Variants in OTUD4 observed in about 807,000 individuals in gnomAD.
OTUD4 encodes the protein OTU domain-containing protein 4.
OTUD4 carries 24 observed loss-of-function variants against 130.4 expected under a neutral mutation model. That is an observed-to-expected ratio of 0.18 (90% CI 0.13 to 0.26). The LOEUF is 0.26. Among genes scored for constraint, OTUD4 ranks in the 10% least tolerant of loss-of-function variants. OTUD4 has a pLI of 1.00. For synonymous variants in OTUD4, 420 were observed against 472.5 expected, an observed-to-expected ratio of 0.89 and a Z score of 1.44; for missense variants, 1,031 against 1,329.4, an observed-to-expected ratio of 0.78 and a Z score of 3.49.
At chr4:145,165,661 G>A (rs1751823132) in intron 3 of OTUD4, among the ~76,000 whole-genome samples, 1 of 151,968 alleles carries the variant, frequency 6.6e-6, no homozygotes, top group African/African-American at 2.4e-5. Flanking sequence ...ATTTTTAGTA[G>A]AGACGGGGTT....
chr4:145,174,469 A>C (rs1752327737), intron 2 of OTUD4, among the ~76,000 whole-genome samples, 192 bp downstream of exon 2: 1 of 152,170 alleles, frequency 6.6e-6, no homozygotes, highest in Non-Finnish European at 1.5e-5. Flanking sequence ...ATAAATGCAA[A>C]ACATAAAATA....
intron 4 of OTUD4, among the ~76,000 whole-genome samples, chr4:145,164,429 T>C (rs892477351): frequency 6.6e-6 from 1 of 152,042 alleles, no homozygotes; most frequent in South Asian, 2.1e-4. Flanking sequence ...CAAATATTAT[T>C]TGTATATATA....
chr4:145,154,293 C>A (rs1386476411), intron 10 of OTUD4, among the ~76,000 whole-genome samples: 1 of 152,162 alleles, frequency 6.6e-6, no homozygotes, highest in African/African-American at 2.4e-5. Flanking sequence ...AAGGCAGTAC[C>A]TGAATGAATC....
At chr4:145,146,200 T>C (rs934809939) in intron 14 of OTUD4, 67 bp downstream of exon 14, 1 of 1,055,254 alleles carries the variant, frequency 9.5e-7, no homozygotes. Flanking sequence ...GAACTATGGC[T>C]TAATCTAAAA....
At position 145,138,256 on chromosome 4, in the gene OTUD4, G is replaced by A. The variant is rs1476440323; in HGVS notation, c.2519C>T (p.Pro840Leu). ...SLSGKNMFPQ[P>L]SFGPNPFLGP... The stretch of plus-strand genomic sequence containing the variant: ...TAAGAATGGATTGGGTCCAAAAGAT[G>A]GCTGGGGGAACATATTCTTGCCACT... The change falls in exon 21 of 21, where the codon CCA becomes CTA. Residue 840 changes from proline (P) to leucine (L), a missense_variant. Transcript: ENST00000447906. 1 of 1,613,988 alleles carries A rather than the reference G, an allele frequency of 6.2e-7. No individual in the cohort carries two copies. The highest frequency in any genetic ancestry group is 2.2e-5 in the East Asian group (1 of 44,882).
intron 1 of OTUD4, among the ~76,000 whole-genome samples, chr4:145,177,103 C>CTTCT (rs1752464251): frequency 1.3e-5 from 2 of 152,180 alleles, no homozygotes; most frequent in Admixed American, 1.3e-4. Context: ...TTTAGCAACA[C>CTTCT]TTCTTTCACA....
chr4:145,160,572 G>T (rs919768894), intron 6 of OTUD4, among the ~76,000 whole-genome samples: 2 of 152,128 alleles, frequency 1.3e-5, no homozygotes, highest in Non-Finnish European at 2.9e-5. Context: ...CAACACTTTG[G>T]GAGACCAAGG....
chr4:145,139,023 A>AT (rs1750430317), intron 20 of OTUD4, among the ~76,000 whole-genome samples: 1 of 152,190 alleles, frequency 6.6e-6, no homozygotes, highest in African/African-American at 2.4e-5. Context: ...GAATGTCAGT[A>AT]TAAGAGTAGA....
chr4:145,164,351 A>G, intron 4 of OTUD4, 125 bp from the exon 5 acceptor site: 1 of 449,402 alleles, frequency 2.2e-6, no homozygotes. Flanking sequence ...GAGATACAAA[A>G]GACAATAATG....
chr4:145,148,040 T>C (rs1750902054), intron 13 of OTUD4, among the ~76,000 whole-genome samples: 1 of 152,202 alleles, frequency 6.6e-6, no homozygotes, highest in Non-Finnish European at 1.5e-5. Context: ...CTAATGTAAT[T>C]AGTCACAATG....
intron 4 of OTUD4, 144 bp from the exon 5 acceptor site, chr4:145,164,370 A>G (rs1751742160): frequency 5.0e-6 from 2 of 399,408 alleles, no homozygotes; most frequent in Non-Finnish European, 9.2e-6. Context: ...TGAGATAACT[A>G]AGTTGTAAAA....
chr4:145,167,577 C>G (rs1222415015), intron 3 of OTUD4, among the ~76,000 whole-genome samples: 1 of 152,144 alleles, frequency 6.6e-6, no homozygotes, highest in Non-Finnish European at 1.5e-5. Flanking sequence ...AAAAATTCTG[C>G]CAGGCACGGT....
chr4:145,146,185 C>T (rs1314865830), intron 14 of OTUD4, 82 bp downstream of exon 14: 2 of 857,460 alleles, frequency 2.3e-6, no homozygotes, highest in Admixed American at 3.0e-5. Flanking sequence ...TTAGTTTACC[C>T]TTGGGAACTA....
chr4:145,156,164 A>T (rs1041335397), intron 7 of OTUD4, among the ~76,000 whole-genome samples, 168 bp from the exon 8 acceptor site: 1 of 152,248 alleles, frequency 6.6e-6, no homozygotes, highest in Non-Finnish European at 1.5e-5. Flanking sequence ...AAAAGGGTAT[A>T]TGTATGTAAA....
At position 145,155,688 on chromosome 4, in the gene OTUD4, T is replaced by C. The variant is rs1220211764; in HGVS notation, c.691-2A>G. ...AGAGTTCCCATTGTTCTTCAGCTGCTAAACAAAGTCAGGAAGTCCAATCAA... is the reference window on the plus strand; with the variant it reads ...AGAGTTCCCATTGTTCTTCAGCTGCCAAACAAAGTCAGGAAGTCCAATCAA... On this transcript the variant is annotated splice_acceptor_variant, in intron 8 of 20. Coordinates refer to ENST00000447906, the MANE Select transcript of OTUD4 (RefSeq NM_001366057.1). LOFTEE classifies it high-confidence loss of function. The C allele has an allele frequency of 5.1e-6, 8 of 1,577,492 alleles. No individual in the cohort carries two copies. The highest frequency in any genetic ancestry group is 1.8e-5 in the Admixed American group (1 of 55,158).
At chr4:145,149,785 G>A (rs962159328) in intron 13 of OTUD4, 1 of 152,206 alleles carries the variant, frequency 6.6e-6, no homozygotes, top group African/African-American at 2.4e-5. Context: ...CAATTGAGAA[G>A]GTGCTTTGAT....
chr4:145,142,925 T>A (rs930455671), intron 17 of OTUD4, among the ~76,000 whole-genome samples: 150 of 152,350 alleles, frequency 9.8e-4, no homozygotes, highest in African/African-American at 3.3e-3. Context: ...GGTATTTTTT[T>A]AATGTATATT....
At chr4:145,152,513 A>T in intron 11 of OTUD4, 28 bp downstream of exon 11, 1 of 1,259,234 alleles carries the variant, frequency 7.9e-7, no homozygotes, top group South Asian at 1.3e-5. Context: ...GGAGGCAGTA[A>T]ATGCCTTAGC....
intron 6 of OTUD4, among the ~76,000 whole-genome samples, chr4:145,160,244 A>G (rs1185095799): frequency 2.0e-5 from 3 of 152,200 alleles, no homozygotes; most frequent in African/African-American, 7.2e-5. Context: ...AGGTTGCTAT[A>G]GAAAAAGAGG....
Sources: gnomAD v4.1 joint callset for allele counts (sites outside exome capture counted in the v4.1 genomes callset) on GRCh38, gnomAD v4.1.1 for gene constraint, MANE v1.5 for transcripts, NCBI Gene and HGNC (gene_info 2026-07-23, HGNC 2026-07-21) for gene names.